SPAG16: variants seen among roughly 807,000 people sequenced by gnomAD.
SPAG16 encodes sperm-associated antigen 16 protein.
A neutral mutation model predicts 80.4 loss-of-function variants in SPAG16; 86 were observed. The ratio of observed to expected loss-of-function variants is 1.07; its 90% confidence interval spans 0.90 to 1.28. The LOEUF is 1.28. Ranked by LOEUF, SPAG16 falls within the 50% of genes most tolerant of loss-of-function variation. SPAG16 has a pLI of 0.00. For synonymous variants in SPAG16, 294 were observed against 265.9 expected (o/e 1.11, Z -1.03); for missense variants, 870 against 765.3 (o/e 1.14, Z -1.61).
chr2:214,243,703 A>G (rs1689648584), intron 15 of SPAG16, among the ~76,000 whole-genome samples: 1 of 152,146 alleles, frequency 6.6e-6, no homozygotes, highest in African/African-American at 2.4e-5. Context: ...CACCAATTAC[A>G]TGCAATTAGT....
chr2:213,284,546 G>T lies in SPAG16; in HGVS notation c.63G>T (p.Met21Ile). The change falls in exon 1 of 16, where the codon ATG (methionine) becomes ATT (isoleucine). Residue 21 changes from methionine to isoleucine, a missense_variant. Transcript: ENST00000331683. ...GGGTCCTGGAAGAGGCGTTGGGCAT[G>T]GGTTTGACGGCAGCCGGGGACGCGA... ...AVRVLEEALG[M>I]GLTAAGDARD... is the part of the protein sequence containing the mutation. 1 of 1,604,478 alleles carries T rather than the reference G, an allele frequency of 6.2e-7. No homozygotes were observed. Among genetic ancestry groups the T allele is most frequent in the East Asian group, 2.2e-5 (1 of 44,478 alleles).
At chr2:214,046,071 A>C (rs1231831066) in intron 13 of SPAG16, among the ~76,000 whole-genome samples, 1 of 152,170 alleles carries the variant, frequency 6.6e-6, no homozygotes, top group Non-Finnish European at 1.5e-5. Context: ...ACTACAAGCA[A>C]TTATAAGCCA....
intron 10 of SPAG16, among the ~76,000 whole-genome samples, chr2:213,598,803 C>T (rs955420400): frequency 6.6e-6 from 1 of 152,102 alleles, no homozygotes; most frequent in Non-Finnish European, 1.5e-5. Flanking sequence ...TTTCACATGA[C>T]ATATTTTGGT....
At chr2:213,427,600 C>A (rs1019002448) in intron 9 of SPAG16, among the ~76,000 whole-genome samples, 3 of 152,094 alleles carry the variant, frequency 2.0e-5, no homozygotes, top group Admixed American at 6.6e-5. Flanking sequence ...GGTAAATTAT[C>A]ATTTTCTGTC....
chr2:214,108,875 T>C (rs975534030), intron 14 of SPAG16, among the ~76,000 whole-genome samples: 5 of 152,170 alleles, frequency 3.3e-5, no homozygotes, highest in African/African-American at 1.2e-4. Context: ...CAATGAAAAT[T>C]GTTGGAGAGT....
In SPAG16 at chr2:214,106,975, T is replaced by C. The variant is rs559386358; in HGVS notation, c.1528-1221T>C. ...ACTATACTTTCATTGGCTAACTCCC[T>C]TACTATACTTTCATTCTTGGCTAAC... is the stretch of plus-strand genomic sequence containing the variant. On this transcript the variant is annotated intron_variant, in intron 13 of 15. Transcript: ENST00000331683. Among the ~76,000 whole-genome samples the C allele has an allele frequency of 2.3e-4, 35 of 152,152 alleles. No homozygotes were observed. The South Asian group carries it at 6.9e-3, about 30-fold the overall frequency.
intron 10 of SPAG16, among the ~76,000 whole-genome samples, chr2:213,598,493 T>C (rs1341055604): frequency 3.3e-5 from 5 of 152,226 alleles, no homozygotes; most frequent in African/African-American, 1.2e-4. Context: ...TTTAGGGTAC[T>C]AAACATTGAT....
chr2:213,329,258 T>G (rs978592400), intron 5 of SPAG16, among the ~76,000 whole-genome samples: 8 of 152,190 alleles, frequency 5.3e-5, no homozygotes, highest in African/African-American at 1.9e-4. Flanking sequence ...TTGGAACAGT[T>G]TGGAGGGCTC....
intron 10 of SPAG16, among the ~76,000 whole-genome samples, chr2:213,578,425 A>G (rs1449233056): frequency 6.6e-6 from 1 of 152,188 alleles, no homozygotes; most frequent in Non-Finnish European, 1.5e-5. Context: ...GGTTGTACAA[A>G]AAATAAACTT....
chr2:214,083,259 T>C (rs1323553575), intron 13 of SPAG16, among the ~76,000 whole-genome samples: 1 of 152,086 alleles, frequency 6.6e-6, no homozygotes, highest in Non-Finnish European at 1.5e-5. Context: ...CATAGACACA[T>C]CCCCAAAGGA....
chr2:214,045,609 C>A (rs975001454), intron 13 of SPAG16, among the ~76,000 whole-genome samples: 7 of 152,066 alleles, frequency 4.6e-5, no homozygotes, highest in African/African-American at 7.2e-5. Flanking sequence ...TGGGAATGAT[C>A]AATGAGTTAA....
intron 10 of SPAG16, among the ~76,000 whole-genome samples, chr2:213,626,584 A>G (rs2061966864): frequency 6.6e-6 from 1 of 150,984 alleles, no homozygotes; most frequent in Admixed American, 6.6e-5. Context: ...GTGAATCTGT[A>G]TGATTTGACA....
intron 13 of SPAG16, among the ~76,000 whole-genome samples, chr2:214,071,450 A>G (rs1209909553): frequency 6.6e-6 from 1 of 152,166 alleles, no homozygotes; most frequent in African/African-American, 2.4e-5. Flanking sequence ...CATGTAGAGG[A>G]TAAGCTTGAG....
rs748200040 is a variant in SPAG16 at position 213,686,674 on chromosome 2, C to CTTTTT, written c.1071-175785_1071-175781dup. On this transcript the variant is annotated intron_variant, in intron 10 of 15. Coordinates refer to ENST00000331683, the MANE Select transcript of SPAG16 (RefSeq NM_024532.5). ...TTGGTATGGTTAGGTATTAATCCACCTTTTTTTTTTTTTTTTTTTTTTTTT... is the reference window on the plus strand; with the variant it reads ...TTGGTATGGTTAGGTATTAATCCACCTTTTTTTTTTTTTTTTTTTTTTTTTTTTTT... Among the ~76,000 whole-genome samples, 15 of 86,144 alleles carry CTTTTT rather than the reference C, an allele frequency of 1.7e-4. 3 individuals are homozygous for CTTTTT. The highest frequency in any genetic ancestry group is 2.9e-4 in the Non-Finnish European group (12 of 40,850). 56.5% of individuals were successfully genotyped at this position (86,144 alleles called of 152,430 possible).
At chr2:214,125,284 G>T (rs945471491) in intron 14 of SPAG16, among the ~76,000 whole-genome samples, 2 of 151,544 alleles carry the variant, frequency 1.3e-5, no homozygotes, top group Non-Finnish European at 2.9e-5. Context: ...CTGAGGGATA[G>T]AATTTTTTTC....
chr2:214,110,408 T>C (rs2053606525), intron 14 of SPAG16, among the ~76,000 whole-genome samples: 1 of 152,106 alleles, frequency 6.6e-6, no homozygotes, highest in Non-Finnish European at 1.5e-5. Context: ...GTCCATGTGA[T>C]AGTTTGCTGA....
At chr2:214,266,782 C>G (rs1261730337) in intron 15 of SPAG16, among the ~76,000 whole-genome samples, 1 of 151,124 alleles carries the variant, frequency 6.6e-6, no homozygotes, top group Non-Finnish European at 1.5e-5. Context: ...GGTAATGTTT[C>G]TATACACTAA....
intron 10 of SPAG16, among the ~76,000 whole-genome samples, chr2:213,803,298 T>A (rs2433722): frequency 0.92 from 140,365 of 152,260 alleles, 65,785 homozygotes; most frequent in East Asian, 1. Flanking sequence ...AACTCAAGAT[T>A]ACCCTACTAA....
At chr2:213,348,423 A>G (rs1261782282) in intron 6 of SPAG16, among the ~76,000 whole-genome samples, 1 of 152,034 alleles carries the variant, frequency 6.6e-6, no homozygotes, top group East Asian at 1.9e-4. Context: ...TGTCATTGTG[A>G]TGTTAGCTGG....
Sources: gnomAD v4.1 joint callset for allele counts (sites outside exome capture counted in the v4.1 genomes callset) on GRCh38, gnomAD v4.1.1 for gene constraint, MANE v1.5 for transcripts, NCBI Gene and HGNC (gene_info 2026-07-23, HGNC 2026-07-21) for gene names.